ANKRD7: variants seen among roughly 807,000 people sequenced by gnomAD.
The protein encoded by ANKRD7 is ankyrin repeat domain 7.
In ANKRD7, 30 loss-of-function variants were observed where a neutral mutation model predicts 30.8. The ratio of observed to expected loss-of-function variants is 0.97; its 90% CI spans 0.73 to 1.32. The LOEUF (loss-of-function observed/expected upper bound fraction) is 1.32, where lower values mean the gene tolerates loss of function less well. ANKRD7 is among the 40% of genes most tolerant of loss of function. The pLI, the probability that ANKRD7 is intolerant of heterozygous loss-of-function variation, is 0.00. For missense variants in ANKRD7, 264 were observed against 295.7 expected, an observed-to-expected ratio of 0.89 and a Z score of 0.79; for synonymous variants, 97 against 106.6, an observed-to-expected ratio of 0.91 and a Z score of 0.55.
At position 118,234,502 on chromosome 7, in the gene ANKRD7, A is replaced by G. The variant is rs1418363050; in HGVS notation, c.251A>G (p.Lys84Arg). The change falls in exon 2 of 7, where the codon AAA (lysine) becomes AGA (arginine). Residue 84 changes from lysine (K) to arginine (R), a missense_variant. Transcript: ENST00000265224. The part of the protein sequence containing the change: ...VVLFLIEQQC[K>R]INVRDSENKS... ...CTTTTCCTAATTGAGCAACAATGCAAAATAAATGTCCGGGATAGTGAAAAC... is the reference window on the plus strand; with the variant it reads ...CTTTTCCTAATTGAGCAACAATGCAGAATAAATGTCCGGGATAGTGAAAAC... 6.2e-7 allele frequency: 1 copy of G among 1,613,188 alleles called. No individual in the cohort carries two copies. The highest frequency in any genetic ancestry group is 1.3e-5 in the African/African-American group (1 of 74,922).
chr7:118,227,824 A>G (rs1809570217), intron 1 of ANKRD7: 1 of 1,234,030 alleles, frequency 8.1e-7, no homozygotes, highest in South Asian at 1.4e-5. Flanking sequence ...TATGAAAAGC[A>G]TCATCTTTCA....
Position 118,239,965 on chromosome 7 carries a change from C to A in ANKRD7, c.*4C>A, listed in dbSNP as rs1809797849. 1.3e-6 allele frequency: 2 copies of A among 1,586,678 alleles called. No individual in the cohort carries two copies. The highest frequency in any genetic ancestry group is 1.7e-6 in the Non-Finnish European group (2 of 1,163,416). ...AAAGAAGAAACATGCTAAATAGACA[C>A]CTTATTCTTGGCACTACATGTGACT... On this transcript the variant is annotated 3_prime_UTR_variant, in exon 6 of 7. Coordinates refer to ENST00000265224, the MANE Select transcript of ANKRD7 (RefSeq NM_019644.4).
intron 5 of ANKRD7, among the ~76,000 whole-genome samples, chr7:118,237,309 C>T (rs947049095): frequency 7.9e-5 from 12 of 152,130 alleles, no homozygotes; most frequent in Admixed American, 5.9e-4. Flanking sequence ...TTATTGTTAA[C>T]ATTTCATTAG....
At chr7:118,235,273 C>G (rs755978840) in intron 3 of ANKRD7, among the ~76,000 whole-genome samples, 26 of 151,972 alleles carry the variant, frequency 1.7e-4, no homozygotes, top group Non-Finnish European at 3.5e-4. Context: ...TAAAATTAAT[C>G]TAACTCTTCT....
intron 4 of ANKRD7, 48 bp downstream of exon 4, chr7:118,236,195 A>G: frequency 2.0e-6 from 2 of 993,168 alleles, no homozygotes; most frequent in Non-Finnish European, 3.0e-6. Flanking sequence ...ACCTGATAGG[A>G]TTGTGTGTGT....
At chr7:118,228,557 A>T (rs1200653376) in intron 1 of ANKRD7, among the ~76,000 whole-genome samples, 1 of 152,146 alleles carries the variant, frequency 6.6e-6, no homozygotes, top group African/African-American at 2.4e-5. Flanking sequence ...TCACATCACT[A>T]CTTAGCTTTC....
At chr7:118,232,036 T>C (rs1451065850) in intron 1 of ANKRD7, among the ~76,000 whole-genome samples, 1 of 152,106 alleles carries the variant, frequency 6.6e-6, no homozygotes, top group East Asian at 1.9e-4. Context: ...CTCTAAGATA[T>C]CTGTAAATAT....
At chr7:118,232,679 A>G (rs905956813) in intron 1 of ANKRD7, among the ~76,000 whole-genome samples, 1 of 151,444 alleles carries the variant, frequency 6.6e-6, no homozygotes, top group Admixed American at 6.6e-5. Context: ...TGGAGGACCT[A>G]TTGGGAATCC....
At chr7:118,237,739 TA>T (rs1425197161) in intron 5 of ANKRD7, among the ~76,000 whole-genome samples, 1 of 151,972 alleles carries the variant, frequency 6.6e-6, no homozygotes, top group African/African-American at 2.4e-5. Flanking sequence ...AATTTAACTT[TA>T]GACACAAAAG....
In ANKRD7 at chr7:118,224,736, GC is replaced by G. The variant is rs1809508352; in HGVS notation, c.-94del. 2 of 1,519,310 alleles carry G rather than the reference GC, an allele frequency of 1.3e-6. No individual in the cohort carries two copies. Among genetic ancestry groups the G allele is most frequent in the African/African-American group, 2.8e-5 (2 of 71,608 alleles). 94.1% of individuals were successfully genotyped at this position (1,519,310 alleles called of 1,614,324 possible). The stretch of plus-strand genomic sequence containing the variant: ...CCACTTTCGTCAGGTACTGGAGAGG[GC>G]TGCCGGCCGGATGCCAGGGCAGAGG... On this transcript the variant is annotated 5_prime_UTR_variant, in exon 1 of 7. Transcript: ENST00000265224.
In ANKRD7 at chr7:118,236,839, C is replaced by G; in HGVS notation, c.625C>G (p.Leu209Val). ...TGGTGAACCACCATGTTTAGTAAAG[C>G]TTCTTCTTCAGCAAGGTGTGGAATT... The part of the protein sequence containing the change: ...VSGEPPCLVK[L>V]LLQQGVELCY... The change falls in exon 5 of 7, where the codon CTT (leucine) becomes GTT (valine). Residue 209 changes from leucine to valine, a missense_variant. Physicochemically the swap from Leu to Val is conservative, Grantham distance 32. Transcript: ENST00000265224. 6.2e-7 allele frequency: 1 copy of G among 1,613,922 alleles called. No homozygotes were observed.
rs781005706 is a variant in ANKRD7 at position 118,225,018 on chromosome 7, A to G, written c.179+9A>G. The G allele has an allele frequency of 2.5e-6, 4 of 1,613,272 alleles. No individual in the cohort carries two copies. Among genetic ancestry groups the G allele is most frequent in the Non-Finnish European group, 3.4e-6 (4 of 1,179,714 alleles). On this transcript the variant is annotated intron_variant, in intron 1 of 6. Coordinates refer to ENST00000265224, the MANE Select transcript of ANKRD7 (RefSeq NM_019644.4). Reference sequence around the variant, plus strand: ...CAGGACAAAAAATACAGGTGACCAGACTGAAGAGCCAGCGCGGGAGGACGG... The same window carrying G: ...CAGGACAAAAAATACAGGTGACCAGGCTGAAGAGCCAGCGCGGGAGGACGG...
At chr7:118,228,014 C>T (rs376554643) in intron 1 of ANKRD7, 3 of 1,307,364 alleles carry the variant, frequency 2.3e-6, no homozygotes. Flanking sequence ...TTCAATGTGA[C>T]TTCATTCAGG....
chr7:118,226,387 C>A (rs1181445506), intron 1 of ANKRD7, among the ~76,000 whole-genome samples: 2 of 152,142 alleles, frequency 1.3e-5, no homozygotes, highest in Non-Finnish European at 2.9e-5. Context: ...TAAAAATTTG[C>A]TAATAACTTT....
rs1562872732 is a variant in ANKRD7, at chr7:118,232,720, T to TGTG, written c.180-1711_180-1710insGTG. On this transcript the variant is annotated intron_variant, in intron 1 of 6. Coordinates refer to ENST00000265224, the MANE Select transcript of ANKRD7 (RefSeq NM_019644.4). Reference sequence around the variant, plus strand: ...CTTTCTCTTAGTAAGAGCAGTGTGTTTGTGTGTGTGTGTGTGTGTGTGTGT... The same window carrying TGTG: ...CTTTCTCTTAGTAAGAGCAGTGTGTTGTGTGTGTGTGTGTGTGTGTGTGTGTGT... Among the ~76,000 whole-genome samples, 75 of 146,016 alleles carry TGTG rather than the reference T, an allele frequency of 5.1e-4. 1 individual carries two copies. The highest frequency in any genetic ancestry group is 1.7e-3 in the African/African-American group (70 of 40,176).
Position 118,234,512 on chromosome 7 carries a change from C to T in ANKRD7, c.261C>T (p.Val87=), listed in dbSNP as rs1809693615. The T allele has an allele frequency of 1.2e-6, 2 of 1,612,462 alleles. No homozygotes were observed. Among genetic ancestry groups the T allele is most frequent in the Non-Finnish European group, 1.7e-6 (2 of 1,179,448 alleles). ...FLIEQQCKIN[V]RDSENKSPLI... is the part of the protein sequence containing the mutation. ...TTGAGCAACAATGCAAAATAAATGT[C>T]CGGGATAGTGAAAACAAATCCCCAT... Residue 87 remains valine, a synonymous_variant, in exon 2 of 7, where the codon GTC becomes GTT. Coordinates refer to ENST00000265224, the MANE Select transcript of ANKRD7 (RefSeq NM_019644.4).
chr7:118,242,373 C>G lies in ANKRD7; in HGVS notation c.*62C>G, dbSNP rs1394597251. ...GATATGGAACCCATTTCTACAATTTCTTTGCCGCTTCCTTGAATTGGAAAA... is the reference window on the plus strand; with the variant it reads ...GATATGGAACCCATTTCTACAATTTGTTTGCCGCTTCCTTGAATTGGAAAA... On this transcript the variant is annotated 3_prime_UTR_variant, in exon 7 of 7. Transcript: ENST00000265224. 1 of 152,058 alleles carries G rather than the reference C, an allele frequency of 6.6e-6. No homozygotes were observed. The highest frequency in any genetic ancestry group is 2.4e-5 in the African/African-American group (1 of 41,418). The allele number at this position is 152,058 out of a possible 1,614,324, so 9.4% of individuals were successfully genotyped here. A position where few individuals can be genotyped will look rare whatever the true frequency, so the allele number is the denominator to read the frequency against.
chr7:118,230,341 A>G (rs374244036), intron 1 of ANKRD7, among the ~76,000 whole-genome samples: 5 of 151,958 alleles, frequency 3.3e-5, no homozygotes, highest in Admixed American at 2.0e-4. Flanking sequence ...ATTAGATGCT[A>G]TGTTCACTAT....
At chr7:118,230,092 T>G in intron 1 of ANKRD7, among the ~76,000 whole-genome samples, 1 of 152,082 alleles carries the variant, frequency 6.6e-6, no homozygotes, top group Non-Finnish European at 1.5e-5. Flanking sequence ...GTGGAAAAGT[T>G]GAAAGCATTC....
Sources: allele counts gnomAD v4.1 joint callset (sites outside exome capture counted in the v4.1 genomes callset), GRCh38; gene constraint gnomAD v4.1.1; transcripts MANE v1.5; gene names NCBI Gene and HGNC (gene_info 2026-07-23, HGNC 2026-07-21).